The following NOTCH2NLA variants were observed in gnomAD, a reference collection of about 807,000 sequenced individuals.
NOTCH2NLA encodes the protein notch 2 N-terminal like A.
intron 1 of NOTCH2NLA, among the ~76,000 whole-genome samples, chr1:146,210,653 T>TAAA (rs1419343001): frequency 1.0e-5 from 1 of 99,650 alleles, no homozygotes; most frequent in Non-Finnish European, 1.9e-5. Flanking sequence ...AAATCAGAGA[T>TAAA]ACTTAATTCA....
intron 2 of NOTCH2NLA, among the ~76,000 whole-genome samples, chr1:146,172,282 GAC>G (rs1471580892): frequency 8.4e-6 from 1 of 119,024 alleles, no homozygotes; most frequent in Non-Finnish European, 1.7e-5. Context: ...TCTCCCTAAG[GAC>G]AGTCTGGAAA....
At position 146,194,928 on chromosome 1, in the gene NOTCH2NLA, A is replaced by T. The variant is rs1338690420; in HGVS notation, c.-44-5547T>A. Among the ~76,000 whole-genome samples, 2 of 112,044 alleles carry T rather than the reference A, an allele frequency of 1.8e-5. 1 individual carries two copies. Among genetic ancestry groups the T allele is most frequent in the Non-Finnish European group, 3.7e-5 (2 of 54,766 alleles). The allele number at this position is 112,044 out of a possible 152,430, so 73.5% of individuals were successfully genotyped here. ...TTCCTCCATGCATGTCTGTGCTTCC[A>T]CTGATTTCTGCCTTCCTCATTACTA... On this transcript the variant is annotated intron_variant, in intron 1 of 4. Coordinates refer to ENST00000362074, the Ensembl canonical transcript of NOTCH2NLA.
At chr1:146,174,844 A>AT (rs1391569865) in intron 2 of NOTCH2NLA, among the ~76,000 whole-genome samples, 2 of 131,632 alleles carry the variant, frequency 1.5e-5, no homozygotes, top group African/African-American at 5.1e-5. Context: ...CAAATTAAGC[A>AT]TCGGTCAGTA....
chr1:146,186,480 G>A lies in NOTCH2NLA; in HGVS notation c.38+2820C>T, dbSNP rs797037271. ...GGCCATTCTCCTGCCTCAGCCTCCCGAGTAACTGGGATTACAGGTGCGTGC... is the reference window on the plus strand; with the variant it reads ...GGCCATTCTCCTGCCTCAGCCTCCCAAGTAACTGGGATTACAGGTGCGTGC... On this transcript the variant is annotated intron_variant, in intron 2 of 4. Coordinates refer to ENST00000362074, the Ensembl canonical transcript of NOTCH2NLA. Among the ~76,000 whole-genome samples, 7 of 143,836 alleles carry A rather than the reference G, an allele frequency of 4.9e-5. No individual in the cohort carries two copies. In the South Asian group the frequency reaches 6.7e-4, roughly 14 times the overall value. The allele number at this position is 143,836 out of a possible 152,430, so 94.4% of individuals were successfully genotyped here. A position where few individuals can be genotyped will look rare whatever the true frequency, so the allele number is the denominator to read the frequency against.
At chr1:146,174,768 A>AG (rs1374404216) in intron 2 of NOTCH2NLA, among the ~76,000 whole-genome samples, 3 of 142,438 alleles carry the variant, frequency 2.1e-5, no homozygotes, top group South Asian at 2.1e-4. Context: ...TGAGCTCTAG[A>AG]GGGGGGAGCT....
intron 1 of NOTCH2NLA, among the ~76,000 whole-genome samples, chr1:146,225,474 C>A: frequency 2.4e-5 from 2 of 83,742 alleles, no homozygotes; most frequent in Admixed American, 1.3e-4. Flanking sequence ...AGACATACTG[C>A]ACCCAGATAA....
At chr1:146,219,780 G>A (rs1283272360) in intron 1 of NOTCH2NLA, among the ~76,000 whole-genome samples, 1 of 38,108 alleles carries the variant, frequency 2.6e-5, no homozygotes, top group Non-Finnish European at 4.7e-5. Flanking sequence ...TATATATGTA[G>A]ATCTGTTCAT....
rs1436707452 is a variant in NOTCH2NLA, at chr1:146,185,885, A to C, written c.38+3415T>G. Reference sequence around the variant, plus strand: ...TCTTCTGTTTTAATATTTATTTTCTATTTTGTGAAAATAATATTTACTGAA... The same window carrying C: ...TCTTCTGTTTTAATATTTATTTTCTCTTTTGTGAAAATAATATTTACTGAA... On this transcript the variant is annotated intron_variant, in intron 2 of 4. Coordinates refer to ENST00000362074, the Ensembl canonical transcript of NOTCH2NLA. 5.9e-5 allele frequency among the ~76,000 whole-genome samples: 8 copies of C among 136,446 alleles called. 1 individual carries two copies. The highest frequency in any genetic ancestry group is 2.0e-4 in the African/African-American group (8 of 40,294). 89.5% of individuals were successfully genotyped at this position (136,446 alleles called of 152,430 possible).
At chr1:146,185,632 T>C (rs1662721007) in intron 2 of NOTCH2NLA, among the ~76,000 whole-genome samples, 1 of 132,166 alleles carries the variant, frequency 7.6e-6, no homozygotes, top group South Asian at 2.4e-4. Flanking sequence ...CTATAAACAA[T>C]CATTATATTT....
At position 146,228,898 on chromosome 1, in the gene NOTCH2NLA, C is replaced by T. The variant is rs587715949; in HGVS notation, c.-234G>A. The T allele has an allele frequency of 4.9e-5, 72 of 1,470,860 alleles. 1 individual carries two copies. In the South Asian group the frequency reaches 8.3e-4, roughly 17 times the overall value. The allele number at this position is 1,470,860 out of a possible 1,614,324, so 91.1% of individuals were successfully genotyped here. ...CTCCCCTCCTCCTGCTTCAAAGGCT[C>T]AGGCCCTGGCGCTACGCTCCGAAGC... On this transcript the variant is annotated 5_prime_UTR_variant, in exon 1 of 5. Transcript: ENST00000362074.
intron 2 of NOTCH2NLA, among the ~76,000 whole-genome samples, chr1:146,183,460 ATTCT>A (rs1263304392): frequency 1.6e-5 from 2 of 121,544 alleles, no homozygotes; most frequent in Non-Finnish European, 3.6e-5. Context: ...AAAAAACAGC[ATTCT>A]TTGTTTTATG....
At position 146,186,862 on chromosome 1, in the gene NOTCH2NLA, A is replaced by T. The variant is rs75322604; in HGVS notation, c.38+2438T>A. ...CCTGAATGCTATGTGAAATAAATAA[A>T]TTTTTTTTTAATTTTGCTTTTAAGT... is the stretch of plus-strand genomic sequence containing the variant. On this transcript the variant is annotated intron_variant, in intron 2 of 4. Transcript: ENST00000362074. 6.8e-4 allele frequency among the ~76,000 whole-genome samples: 92 copies of T among 134,802 alleles called. 7 individuals are homozygous for T. The highest frequency in any genetic ancestry group is 4.5e-3 in the South Asian group (19 of 4,250). 88.4% of individuals were successfully genotyped at this position (134,802 alleles called of 152,430 possible). A position where few individuals can be genotyped will look rare whatever the true frequency, so the allele number is the denominator to read the frequency against.
rs863113 is a variant in NOTCH2NLA at position 146,198,940 on chromosome 1, C to T, written c.-44-9559G>A. Among the ~76,000 whole-genome samples the T allele has an allele frequency of 7.9e-5, 2 of 25,428 alleles. 1 individual carries two copies. The highest frequency in any genetic ancestry group is 3.9e-4 in the African/African-American group (2 of 5,130). 16.7% of individuals were successfully genotyped at this position (25,428 alleles called of 152,430 possible). ...CCAAGTAGCTGGGACTATAGGTGCCCGCCACCACATCCGGCTAATTTTTTT... is the reference window on the plus strand; with the variant it reads ...CCAAGTAGCTGGGACTATAGGTGCCTGCCACCACATCCGGCTAATTTTTTT... On this transcript the variant is annotated intron_variant, in intron 1 of 4. Transcript: ENST00000362074.
chr1:146,228,653 C>A (rs1553820412), intron 1 of NOTCH2NLA, 56 bp downstream of exon 1: 1 of 1,469,302 alleles, frequency 6.8e-7, no homozygotes, highest in East Asian at 2.5e-5. Flanking sequence ...GGAGAAGGGT[C>A]GCCCCAGGTG....
chr1:146,172,661 A>G (rs1237394680), intron 2 of NOTCH2NLA, among the ~76,000 whole-genome samples: 2 of 151,622 alleles, frequency 1.3e-5, no homozygotes, highest in Non-Finnish European at 2.9e-5. Flanking sequence ...TAAGCCTTCT[A>G]CAAATCATCC....
intron 2 of NOTCH2NLA, among the ~76,000 whole-genome samples, chr1:146,174,400 C>CCT (rs1478594183): frequency 1.0e-5 from 1 of 95,810 alleles, no homozygotes; most frequent in African/African-American, 4.1e-5. Context: ...CTGTCTTTAG[C>CCT]TTTTTTTTTT....
At chr1:146,183,586 C>A (rs1243318670) in intron 2 of NOTCH2NLA, among the ~76,000 whole-genome samples, 1 of 118,918 alleles carries the variant, frequency 8.4e-6, no homozygotes, top group Non-Finnish European at 1.7e-5. Context: ...AGGAACTAGG[C>A]TGGCAGAACC....
In NOTCH2NLA at chr1:146,171,480, C is replaced by T. The variant is rs1661979313; in HGVS notation, c.39-6470G>A. The stretch of plus-strand genomic sequence containing the variant: ...GTAGATGGAAGAGGCAGGATTCAAA[C>T]CCAAGTAGACTCTAGAGTGCGTGTG... On this transcript the variant is annotated intron_variant, in intron 2 of 4. Transcript: ENST00000362074. Among the ~76,000 whole-genome samples the T allele has an allele frequency of 3.1e-5, 4 of 129,364 alleles. 1 individual carries two copies. Among genetic ancestry groups the T allele is most frequent in the Admixed American group, 2.5e-4 (3 of 12,214 alleles). 84.9% of individuals were successfully genotyped at this position (129,364 alleles called of 152,430 possible). A position where few individuals can be genotyped will look rare whatever the true frequency, so the allele number is the denominator to read the frequency against.
At chr1:146,226,515 T>TA in intron 1 of NOTCH2NLA, among the ~76,000 whole-genome samples, 2 of 25,464 alleles carry the variant, frequency 7.9e-5, no homozygotes, top group South Asian at 1.9e-3. Flanking sequence ...ATTGGTACCT[T>TA]AGCAAAACAC....
Sources: gnomAD v4.1 joint callset for allele counts (sites outside exome capture counted in the v4.1 genomes callset) on GRCh38, gnomAD v4.1.1 for gene constraint, MANE v1.5 for transcripts, NCBI Gene and HGNC (gene_info 2026-07-23, HGNC 2026-07-21) for gene names.